The following USP39 variants were observed in gnomAD, a reference collection of about 807,000 sequenced individuals.
The protein encoded by USP39 is ubiquitin carboxyl-terminal hydrolase 39.
USP39 carries 38 observed loss-of-function variants against 66.4 expected under a neutral mutation model. The ratio of observed to expected loss-of-function variants is 0.57; its 90% CI spans 0.44 to 0.75. The LOEUF (loss-of-function observed/expected upper bound fraction) is 0.75, where lower values mean the gene tolerates loss of function less well. Ranked by LOEUF, USP39 falls within the 30% of genes least tolerant of loss-of-function variation. USP39 has a pLI of 0.00. For synonymous variants in USP39, 303 were observed against 274.6 expected (o/e 1.10, Z -1.02); for missense variants, 608 against 714.4 (o/e 0.85, Z 1.70).
chr2:85,617,086 T>C (rs1674044461), intron 1 of USP39, among the ~76,000 whole-genome samples: 1 of 151,944 alleles, frequency 6.6e-6, no homozygotes, highest in Admixed American at 6.6e-5. Context: ...TTACAAGTGT[T>C]ACTTCCTTCC....
chr2:85,643,243 C>T (rs1573448539), intron 10 of USP39, among the ~76,000 whole-genome samples: 1 of 152,098 alleles, frequency 6.6e-6, no homozygotes, highest in Non-Finnish European at 1.5e-5. Context: ...GTAATCCCAG[C>T]CCTTTGGGAG....
At chr2:85,633,979 A>G (rs1675570280) in intron 6 of USP39, among the ~76,000 whole-genome samples, 1 of 148,438 alleles carries the variant, frequency 6.7e-6, no homozygotes, top group Non-Finnish European at 1.5e-5. Flanking sequence ...CTGGGACTAC[A>G]GGCGCCCGCC....
At chr2:85,645,593 A>C (rs1176298906) in intron 11 of USP39, among the ~76,000 whole-genome samples, 3 of 152,106 alleles carry the variant, frequency 2.0e-5, no homozygotes, top group Non-Finnish European at 2.9e-5. Context: ...GAGCTTTTTA[A>C]AATCCCAATG....
At chr2:85,645,221 G>A in intron 11 of USP39, 138 bp downstream of exon 11, 2 of 1,118,368 alleles carry the variant, frequency 1.8e-6, no homozygotes, top group African/African-American at 1.6e-5. Flanking sequence ...GCTGTCAGTA[G>A]TTAGTTTAAG....
In USP39 at chr2:85,630,876, T is replaced by C. The variant is rs777571255; in HGVS notation, c.879T>C (p.His293=). ...KLWNPRNFKA[H]VSPHEMLQAV... Reference sequence around the variant, plus strand: ...GGAACCCTCGAAATTTCAAGGCACATGTGTCTCCCCATGAGATGCTTCAGG... The same window carrying C: ...GGAACCCTCGAAATTTCAAGGCACACGTGTCTCCCCATGAGATGCTTCAGG... The change falls in exon 6 of 13, where the codon CAT becomes CAC. Residue 293 remains histidine, a synonymous_variant. Coordinates refer to ENST00000323701, the MANE Select transcript of USP39 (RefSeq NM_006590.4). The C allele has an allele frequency of 2.5e-6, 4 of 1,614,214 alleles. No homozygotes were observed. The South Asian group carries it at 3.3e-5, about 13-fold the overall frequency.
rs1483599899 is a variant in USP39, at chr2:85,633,189, C to T, written c.949+2243C>T. ...AAGCTGGAGTGCAGTGGTGTGATCT[C>T]GGCTCACTGCAACCTCTGTCTCCCC... On this transcript the variant is annotated intron_variant, in intron 6 of 12. Transcript: ENST00000323701. Among the ~76,000 whole-genome samples, 5 of 151,152 alleles carry T rather than the reference C, an allele frequency of 3.3e-5. 1 individual carries two copies. The highest frequency in any genetic ancestry group is 1.3e-4 in the Admixed American group (2 of 15,174).
chr2:85,644,630 C>G (rs1222717142), intron 10 of USP39, among the ~76,000 whole-genome samples: 3 of 151,886 alleles, frequency 2.0e-5, no homozygotes, highest in African/African-American at 7.3e-5. Flanking sequence ...ACTACATTGC[C>G]CAGGCTGGCC....
chr2:85,636,187 G>A, intron 7 of USP39, 57 bp downstream of exon 7: 2 of 1,551,764 alleles, frequency 1.3e-6, no homozygotes, highest in East Asian at 2.2e-5. Context: ...AAACTTTGCG[G>A]TCGGTCGCAA....
intron 10 of USP39, among the ~76,000 whole-genome samples, chr2:85,643,965 A>G (rs1676447135): frequency 1.3e-5 from 2 of 152,104 alleles, no homozygotes; most frequent in Non-Finnish European, 2.9e-5. Context: ...CATTTTCTTA[A>G]CAGTGAATAT....
chr2:85,645,023 C>T lies in USP39; in HGVS notation c.1503C>T (p.Ala501=). 1 of 1,614,154 alleles carries T rather than the reference C, an allele frequency of 6.2e-7. No individual in the cohort carries two copies. ...VHKNTTYDLI[A]NIVHDGKPSE... ...AGAATACCACCTATGACCTCATTGC[C>T]AACATCGTGCATGACGGCAAGCCCT... The change falls in exon 11 of 13, where the codon GCC becomes GCT. Residue 501 remains alanine (A), a synonymous_variant. Transcript: ENST00000323701.
At chr2:85,612,010 GCC>G, upstream of USP39, 1 of 1,468,088 alleles carries the variant, frequency 6.8e-7, no homozygotes, top group Non-Finnish European at 9.0e-7. Flanking sequence ...CAGAGTCGCC[GCC>G]GCCTCGACGG....
At chr2:85,617,461 G>A (rs1046846553) in intron 1 of USP39, among the ~76,000 whole-genome samples, 1 of 152,300 alleles carries the variant, frequency 6.6e-6, no homozygotes, top group East Asian at 1.9e-4. Flanking sequence ...CTCTCGTTAA[G>A]GATGTTCGTG....
chr2:85,626,008 T>A (rs1226305652), intron 5 of USP39, among the ~76,000 whole-genome samples: 2 of 144,306 alleles, frequency 1.4e-5, no homozygotes, highest in Non-Finnish European at 3.0e-5. Context: ...ACAGTGAGAC[T>A]CTGTTTCAAG....
intron 10 of USP39, among the ~76,000 whole-genome samples, chr2:85,644,612 G>A (rs1676500595): frequency 6.6e-6 from 1 of 151,558 alleles, no homozygotes; most frequent in South Asian, 2.1e-4. Context: ...TTTTTTTGTA[G>A]GGGTCTCACT....
chr2:85,620,785 C>T (rs1229901518), intron 2 of USP39, among the ~76,000 whole-genome samples: 1 of 152,102 alleles, frequency 6.6e-6, no homozygotes, highest in Non-Finnish European at 1.5e-5. Flanking sequence ...ATAAATTAGA[C>T]AGCATAGCTC....
chr2:85,642,730 C>G (rs778644135), intron 10 of USP39, among the ~76,000 whole-genome samples: 1 of 152,160 alleles, frequency 6.6e-6, no homozygotes, highest in Admixed American at 6.5e-5. Context: ...ATTGTCCATA[C>G]TTCTTGAAAA....
chr2:85,610,559 C>T (rs1673442704), upstream of USP39: 1 of 152,108 alleles, frequency 6.6e-6, no homozygotes, highest in Admixed American at 6.5e-5. Flanking sequence ...GTGAAACAGA[C>T]AGAAGCTTTC....
In USP39 at chr2:85,648,905, C is replaced by G; in HGVS notation, c.*97C>G. ...TGAACACAGGCTGGCTGGTGGGCTT[C>G]CTAGGCCAGCCCAGCTTGTATGGGT... On this transcript the variant is annotated 3_prime_UTR_variant, in exon 13 of 13. Coordinates refer to ENST00000323701, the MANE Select transcript of USP39 (RefSeq NM_006590.4). The G allele has an allele frequency of 6.9e-7, 1 of 1,444,910 alleles. No homozygotes were observed. 89.5% of individuals were successfully genotyped at this position (1,444,910 alleles called of 1,614,324 possible). A position where few individuals can be genotyped will look rare whatever the true frequency, so the allele number is the denominator to read the frequency against.
At chr2:85,615,008 TGGTGTGGTGTGGTGTGGTG>T (rs1673818109), upstream of USP39, among the ~76,000 whole-genome samples, 2 of 151,504 alleles carry the variant, frequency 1.3e-5, no homozygotes, top group Non-Finnish European at 2.9e-5. Flanking sequence ...TGGTGTGGTG[TGGTGTGGTGTGGTGTGGTG>T]TGGTGTGGGT....
Sources: gnomAD v4.1 joint callset for allele counts (sites outside exome capture counted in the v4.1 genomes callset) on GRCh38, gnomAD v4.1.1 for gene constraint, MANE v1.5 for transcripts, NCBI Gene and HGNC (gene_info 2026-07-23, HGNC 2026-07-21) for gene names.